Variants in RBFOX1 observed in about 807,000 individuals in gnomAD.
RBFOX1 encodes the protein RNA binding fox-1 homolog 1.
In RBFOX1, 8 loss-of-function variants were observed where a neutral mutation model predicts 57.7. The observed-to-expected ratio is 0.14, with a 90% confidence interval of 0.08 to 0.25. The LOEUF is 0.25. Ranked by LOEUF, RBFOX1 falls within the 10% of genes least tolerant of loss-of-function variation. The pLI is 1.00. For synonymous variants in RBFOX1, 326 were observed against 222.4 expected, an observed-to-expected ratio of 1.47 and a Z score of -4.15; for missense variants, 611 against 548.5, an observed-to-expected ratio of 1.11 and a Z score of -1.14.
chr16:6,629,977 A>ATT (rs1567955489), intron 2 of RBFOX1, among the ~76,000 whole-genome samples: 12 of 148,658 alleles, frequency 8.1e-5, no homozygotes, highest in African/African-American at 2.5e-4. Flanking sequence ...TTTTTTTAAA[A>ATT]AAAAAAAAGA....
rs747000049 is a variant in RBFOX1 at position 7,712,194 on chromosome 16, T to G, written c.*1449T>G. 3 of 152,610 alleles carry G rather than the reference T, an allele frequency of 2.0e-5. No homozygotes were observed. The highest frequency in any genetic ancestry group is 4.4e-5 in the Non-Finnish European group (3 of 68,034). 9.5% of individuals were successfully genotyped at this position (152,610 alleles called of 1,614,324 possible). A position where few individuals can be genotyped will look rare whatever the true frequency, so the allele number is the denominator to read the frequency against. Reference sequence around the variant, plus strand: ...TTACAAGTTAACTTAAGTTGGGGTATCCGTCACGGGTCTTCCTGTTTTGTA... The same window carrying G: ...TTACAAGTTAACTTAAGTTGGGGTAGCCGTCACGGGTCTTCCTGTTTTGTA... On this transcript the variant is annotated 3_prime_UTR_variant, in exon 16 of 16. Transcript: ENST00000550418.
intron 4 of RBFOX1, among the ~76,000 whole-genome samples, chr16:7,474,125 A>G (rs1244702213): frequency 6.6e-6 from 1 of 152,086 alleles, no homozygotes; most frequent in Non-Finnish European, 1.5e-5. Context: ...TGTCTCTACT[A>G]AAAATACAAA....
intron 3 of RBFOX1, among the ~76,000 whole-genome samples, chr16:6,810,544 C>A (rs985285102): frequency 6.6e-6 from 1 of 151,438 alleles, no homozygotes; most frequent in Non-Finnish European, 1.5e-5. Context: ...CTTTTTTTTT[C>A]CTTAAGTTAG....
At chr16:5,780,203 A>G (rs745815186) in intron 3 of RBFOX1, among the ~76,000 whole-genome samples, 4 of 152,160 alleles carry the variant, frequency 2.6e-5, no homozygotes, top group African/African-American at 7.2e-5. Context: ...GGATTTCACT[A>G]TCTTGGCCAG....
At chr16:6,120,164 C>T (rs572165166) in intron 1 of RBFOX1, among the ~76,000 whole-genome samples, 1 of 152,120 alleles carries the variant, frequency 6.6e-6, no homozygotes, top group Admixed American at 6.5e-5. Flanking sequence ...TATGGATAGA[C>T]TATGTATTTA....
chr16:6,520,638 C>G (rs1348788402), intron 2 of RBFOX1, among the ~76,000 whole-genome samples: 2 of 152,254 alleles, frequency 1.3e-5, no homozygotes, highest in South Asian at 4.2e-4. Flanking sequence ...GGGCTGAAGA[C>G]TATCTTTGAA....
At chr16:6,018,326 A>T (rs571276341), upstream of RBFOX1, among the ~76,000 whole-genome samples, 1 of 152,332 alleles carries the variant, frequency 6.6e-6, no homozygotes, top group African/African-American at 2.4e-5. Flanking sequence ...CATCTGTGAA[A>T]TGGATAAACC....
At chr16:5,295,687 C>G (rs1346653271) in intron 1 of RBFOX1, among the ~76,000 whole-genome samples, 4 of 152,192 alleles carry the variant, frequency 2.6e-5, no homozygotes, top group African/African-American at 4.8e-5. Flanking sequence ...GACAGACAGT[C>G]TCCTAGCAAG....
chr16:6,694,867 GA>G (rs1253412260), intron 3 of RBFOX1, among the ~76,000 whole-genome samples: 1 of 151,906 alleles, frequency 6.6e-6, no homozygotes, highest in Non-Finnish European at 1.5e-5. Flanking sequence ...GGAGCCCTGG[GA>G]ACCACACGGC....
intron 2 of RBFOX1, among the ~76,000 whole-genome samples, chr16:6,539,151 G>A (rs959001610): frequency 6.6e-6 from 1 of 151,726 alleles, no homozygotes; most frequent in Non-Finnish European, 1.5e-5. Flanking sequence ...TTTGCCCATG[G>A]TATGACTGTT....
At position 5,588,511 on chromosome 16, in the gene RBFOX1, C is replaced by T. The variant is rs73519553; in HGVS notation, c.259-10391C>T. ...TGCTTTTTTTTCTAGTTTTACAGTCCAGGCAATCCAGGCACTTCATCTTCA... is the reference window on the plus strand; with the variant it reads ...TGCTTTTTTTTCTAGTTTTACAGTCTAGGCAATCCAGGCACTTCATCTTCA... On this transcript the variant is annotated intron_variant, in intron 2 of 2. Coordinates refer to the RBFOX1 transcript ENST00000585867. Among the ~76,000 whole-genome samples, 964 of 152,182 alleles carry T rather than the reference C, an allele frequency of 6.3e-3. 10 individuals are homozygous for T. The highest frequency in any genetic ancestry group is 0.022 in the African/African-American group (897 of 41,524).
At chr16:6,945,722 C>T (rs1425567008) in intron 3 of RBFOX1, among the ~76,000 whole-genome samples, 5 of 152,096 alleles carry the variant, frequency 3.3e-5, no homozygotes, top group African/African-American at 1.2e-4. Flanking sequence ...GAAAACCCGT[C>T]TCTACTAAAA....
chr16:5,306,140 G>A (rs1484770576), intron 1 of RBFOX1, among the ~76,000 whole-genome samples: 1 of 152,176 alleles, frequency 6.6e-6, no homozygotes, highest in Non-Finnish European at 1.5e-5. Flanking sequence ...GGTTGAGGCT[G>A]CGATGAGCCA....
chr16:7,011,572 G>C (rs761994512), intron 3 of RBFOX1, among the ~76,000 whole-genome samples: 1 of 152,150 alleles, frequency 6.6e-6, no homozygotes, highest in African/African-American at 2.4e-5. Context: ...GGAGTGCAGT[G>C]GCATGATCTC....
rs545616568 is a variant in RBFOX1, at chr16:6,391,213, A to G, written c.-64+74156A>G. 5.9e-4 allele frequency among the ~76,000 whole-genome samples: 90 copies of G among 152,284 alleles called. 2 individuals carry two copies. The highest frequency in any genetic ancestry group is 3.7e-4 in the Non-Finnish European group (25 of 68,016). Reference sequence around the variant, plus strand: ...AAGCCACTGAAAGTTTGAACCAATTAAGTATCACGATTTGGGCCAGGCACG... The same window carrying G: ...AAGCCACTGAAAGTTTGAACCAATTGAGTATCACGATTTGGGCCAGGCACG... On this transcript the variant is annotated intron_variant, in intron 2 of 15. Transcript: ENST00000550418.
intron 3 of RBFOX1, among the ~76,000 whole-genome samples, chr16:6,709,020 T>G (rs1045006186): frequency 7.2e-5 from 11 of 152,158 alleles, no homozygotes; most frequent in Non-Finnish European, 1.6e-4. Flanking sequence ...CTGTGCCTCT[T>G]TGCTAATTAC....
At chr16:6,316,754 C>T (rs1442849709) in intron 1 of RBFOX1, among the ~76,000 whole-genome samples, 3 of 152,112 alleles carry the variant, frequency 2.0e-5, no homozygotes, top group Non-Finnish European at 4.4e-5. Flanking sequence ...GCCTCAGTTT[C>T]CTCTTCTGAA....
At chr16:7,234,311 G>T (rs2093657433) in intron 4 of RBFOX1, among the ~76,000 whole-genome samples, 2 of 152,074 alleles carry the variant, frequency 1.3e-5, no homozygotes, top group Admixed American at 6.5e-5. Flanking sequence ...CTTCCAGTGG[G>T]TTGGTGTTGT....
At chr16:5,322,005 A>G (rs2064423436) in intron 1 of RBFOX1, among the ~76,000 whole-genome samples, 1 of 152,148 alleles carries the variant, frequency 6.6e-6, no homozygotes, top group African/African-American at 2.4e-5. Flanking sequence ...TGTGGTAGAT[A>G]CTAGAGTGTC....
Sources: gnomAD v4.1 joint callset for allele counts (sites outside exome capture counted in the v4.1 genomes callset) on GRCh38, gnomAD v4.1.1 for gene constraint, MANE v1.5 for transcripts, NCBI Gene and HGNC (gene_info 2026-07-23, HGNC 2026-07-21) for gene names.